Variants in ZNF236 observed in about 807,000 individuals in gnomAD.
ZNF236 encodes the protein regulated by glucose.
In ZNF236, 50 loss-of-function variants were observed where a neutral mutation model predicts 191.2. That is an observed-to-expected ratio of 0.26 (90% CI 0.21 to 0.33). ZNF236 has a LOEUF of 0.33. Ranked by LOEUF, ZNF236 falls within the 10% of genes least tolerant of loss-of-function variation. ZNF236 has a pLI of 1.00. For synonymous variants in ZNF236, 907 were observed against 928.8 expected (o/e 0.98, Z 0.43); for missense variants, 1,754 against 2,374.5 (o/e 0.74, Z 5.43).
At chr18:76,953,862 G>A (rs1968464767) in intron 27 of ZNF236, among the ~76,000 whole-genome samples, 1 of 152,184 alleles carries the variant, frequency 6.6e-6, no homozygotes. Flanking sequence ...TTAGGAGGTG[G>A]ATGGAGAGGC....
At chr18:76,894,955 G>A (rs1977356945) in intron 9 of ZNF236, 58 bp from the exon 10 acceptor site, 2 of 1,586,138 alleles carry the variant, frequency 1.3e-6, no homozygotes, top group Non-Finnish European at 1.7e-6. Context: ...AGGGGGTCCT[G>A]GACCTGACCC....
At chr18:76,950,469 A>G (rs912122073) in intron 27 of ZNF236, among the ~76,000 whole-genome samples, 2 of 152,100 alleles carry the variant, frequency 1.3e-5, no homozygotes, top group African/African-American at 4.8e-5. Context: ...GCTCAGTTAT[A>G]TATACCATGA....
In ZNF236 at chr18:76,881,408, A is replaced by G. The variant is rs376262377; in HGVS notation, c.1313A>G (p.Gln438Arg). Residue 438 changes from glutamine (Q) to arginine (R), a missense_variant, in exon 9 of 31, where the codon CAG (glutamine) becomes CGG (arginine). By Grantham distance (43) the Gln-to-Arg change is conservative (BLOSUM62 1). Around this residue, in one of 5 missense-constraint regions of ZNF236, gnomAD observed 126 missense variants for 110.9 expected, o/e 1.14. Coordinates refer to ENST00000320610, the MANE Select transcript of ZNF236 (RefSeq NM_001306089.2). ...GATGTTTCCAGCGTTTCAAATGAGC[A>G]GACGGACCCCACAGACGCAGAGCAA... The part of the protein sequence containing the change: ...NPDVSSVSNE[Q>R]TDPTDAEQEK... 77 of 1,614,174 alleles carry G rather than the reference A, an allele frequency of 4.8e-5. No homozygotes were observed. The highest frequency in any genetic ancestry group is 6.3e-5 in the Non-Finnish European group (74 of 1,180,032).
chr18:76,968,527 C>A lies in ZNF236; in HGVS notation c.*188C>A, dbSNP rs1035022797. 12 of 1,366,946 alleles carry A rather than the reference C, an allele frequency of 8.8e-6. No homozygotes were observed. The highest frequency in any genetic ancestry group is 1.1e-5 in the Non-Finnish European group (12 of 1,069,402). 84.7% of individuals were successfully genotyped at this position (1,366,946 alleles called of 1,614,324 possible). On this transcript the variant is annotated 3_prime_UTR_variant, in exon 31 of 31. Transcript: ENST00000320610. ...GAAAAAAAAACTAGGAAAAGTGTCA[C>A]CGCATTGTTCTCTTTTGTCTACAAA... is the stretch of plus-strand genomic sequence containing the variant.
At chr18:76,851,013 G>T (rs979144054) in intron 2 of ZNF236, among the ~76,000 whole-genome samples, 1 of 148,244 alleles carries the variant, frequency 6.7e-6, no homozygotes, top group Admixed American at 6.8e-5. Context: ...GAATTTATAC[G>T]CAGCTTTTTC....
rs1431356644 is a variant in ZNF236 at position 76,908,407 on chromosome 18, C to T, written c.2385C>T (p.Ser795=). 6.2e-7 allele frequency: 1 copy of T among 1,614,108 alleles called. No homozygotes were observed. The highest frequency in any genetic ancestry group is 1.7e-5 in the Admixed American group (1 of 60,008). ...STVDQQSMQA[S]TQMQVEIESD... The stretch of plus-strand genomic sequence containing the variant: ...TAGACCAGCAGAGCATGCAGGCCTC[C>T]ACTCAAATGCAGGTGGAGATCGAGA... Residue 795 remains serine, a synonymous_variant, in exon 14 of 31, where the codon TCC becomes TCT. Coordinates refer to ENST00000320610, the MANE Select transcript of ZNF236 (RefSeq NM_001306089.2).
intron 3 of ZNF236, among the ~76,000 whole-genome samples, chr18:76,862,351 C>A (rs905861180): frequency 1.8e-4 from 28 of 152,180 alleles, no homozygotes; most frequent in African/African-American, 6.8e-4. Flanking sequence ...GAAATGCCAA[C>A]TGAAAAGCTG....
rs530390193 is a variant in ZNF236, at chr18:76,829,189, C to T, written c.55+6527C>T. Reference sequence around the variant, plus strand: ...GTTGTCTGTGTGTACAGAGATAGTGCGTCTCTGCTTTCAAGAAAGTAGCAG... The same window carrying T: ...GTTGTCTGTGTGTACAGAGATAGTGTGTCTCTGCTTTCAAGAAAGTAGCAG... On this transcript the variant is annotated intron_variant, in intron 1 of 30. Transcript: ENST00000320610. 3.6e-4 allele frequency among the ~76,000 whole-genome samples: 55 copies of T among 152,258 alleles called. 1 individual carries two copies. Among genetic ancestry groups the T allele is most frequent in the African/African-American group, 1.3e-3 (54 of 41,546 alleles).
intron 1 of ZNF236, among the ~76,000 whole-genome samples, chr18:76,826,154 C>T (rs185100057): frequency 7.2e-5 from 11 of 152,118 alleles, no homozygotes; most frequent in Admixed American, 1.3e-4. Context: ...CTCTATTGCC[C>T]AGGCTGGAGT....
At chr18:76,948,697 A>G (rs115313952) in intron 27 of ZNF236, among the ~76,000 whole-genome samples, 1,690 of 152,282 alleles carry the variant, frequency 0.011, 40 homozygotes, top group African/African-American at 0.038. Flanking sequence ...CCGCCTGCCA[A>G]GTGTCGCCCA....
intron 26 of ZNF236, among the ~76,000 whole-genome samples, chr18:76,946,272 T>A (rs1266170918): frequency 2.0e-5 from 3 of 152,236 alleles, no homozygotes; most frequent in African/African-American, 7.2e-5. Context: ...CTCTCTTTGC[T>A]GCCATCCATG....
chr18:76,916,468 G>C (rs1482501986), intron 19 of ZNF236, among the ~76,000 whole-genome samples: 1 of 152,084 alleles, frequency 6.6e-6, no homozygotes, highest in East Asian at 1.9e-4. Context: ...TAGTTGGAGG[G>C]ATTAATCTCA....
In ZNF236 at chr18:76,919,586, C is replaced by G. The variant is rs1967476652; in HGVS notation, c.3275-190C>G. On this transcript the variant is annotated intron_variant, in intron 19 of 30. Transcript: ENST00000320610. The surrounding 1 kb of genome is among the most constrained non-coding windows in gnomAD (Gnocchi z 5.3). Reference sequence around the variant, plus strand: ...GCCCCCCACTTTCCAGTACACTTGGCTGTTTTCTTTCCATGACCTAAGTTT... The same window carrying G: ...GCCCCCCACTTTCCAGTACACTTGGGTGTTTTCTTTCCATGACCTAAGTTT... 6.6e-6 allele frequency among the ~76,000 whole-genome samples: 1 copy of G among 152,144 alleles called. No homozygotes were observed. Among genetic ancestry groups the G allele is most frequent in the Admixed American group, 6.5e-5 (1 of 15,274 alleles).
At chr18:76,894,197 A>G (rs1287590488) in intron 9 of ZNF236, among the ~76,000 whole-genome samples, 2 of 152,252 alleles carry the variant, frequency 1.3e-5, no homozygotes, top group Non-Finnish European at 2.9e-5. Context: ...AAAAATATTA[A>G]ATGGAAAATT....
intron 10 of ZNF236, among the ~76,000 whole-genome samples, chr18:76,896,112 C>G (rs1337689089): frequency 1.3e-5 from 2 of 151,192 alleles, no homozygotes; most frequent in Non-Finnish European, 2.9e-5. Flanking sequence ...TTACCAAACA[C>G]TATACCACAC....
intron 3 of ZNF236, among the ~76,000 whole-genome samples, chr18:76,853,934 C>T (rs915377072): frequency 4.6e-5 from 7 of 151,480 alleles, no homozygotes; most frequent in African/African-American, 1.5e-4. Context: ...CACTTGAACC[C>T]AGGAGGTGGA....
intron 28 of ZNF236, among the ~76,000 whole-genome samples, chr18:76,956,791 C>G (rs1294615210): frequency 6.6e-6 from 1 of 152,202 alleles, no homozygotes; most frequent in Non-Finnish European, 1.5e-5. Context: ...GCAGGGTGCT[C>G]TGATATCCAG....
Position 76,915,873 on chromosome 18 carries a change from G to T in ZNF236, c.3274+14G>T. 1 of 1,609,960 alleles carries T rather than the reference G, an allele frequency of 6.2e-7. No individual in the cohort carries two copies. The highest frequency in any genetic ancestry group is 8.5e-7 in the Non-Finnish European group (1 of 1,176,428). On this transcript the variant is annotated intron_variant, in intron 19 of 30. Transcript: ENST00000320610. ...CAGAAGGAGGAGGTATTTTCCATTT[G>T]TTGATTCAAGGTGTATTAACCCGAT...
At chr18:76,941,724 T>G (rs9957513) in intron 26 of ZNF236, among the ~76,000 whole-genome samples, 36,912 of 152,214 alleles carry the variant, frequency 0.24, 5,329 homozygotes, top group East Asian at 0.32. Flanking sequence ...AAGTTCATTC[T>G]GTATATTCTT....
Sources: gnomAD v4.1 joint callset for allele counts (sites outside exome capture counted in the v4.1 genomes callset) on GRCh38, gnomAD v4.1.1 for gene constraint, gnomAD v4.1.1 regional missense constraint, Gnocchi (gnomAD v3.1) non-coding constraint, MANE v1.5 for transcripts, NCBI Gene and HGNC (gene_info 2026-07-23, HGNC 2026-07-21) for gene names.